Variants in MTMR12 observed in about 807,000 individuals in gnomAD.
MTMR12 encodes myotubularin-related protein 12.
A neutral mutation model predicts 96.7 loss-of-function variants in MTMR12; 33 were observed. The observed-to-expected ratio is 0.34, with a 90% confidence interval of 0.26 to 0.46. MTMR12 has a LOEUF of 0.46. Among genes scored for constraint, MTMR12 ranks in the 20% least tolerant of loss-of-function variants. MTMR12 has a pLI of 1.00. For missense variants in MTMR12, 721 were observed against 896.1 expected (o/e 0.80, Z 2.49); for synonymous variants, 298 against 327.2 (o/e 0.91, Z 0.96).
chr5:32,235,193 G>A (rs1485030459), intron 13 of MTMR12, 64 bp from the exon 14 acceptor site: 4 of 1,494,844 alleles, frequency 2.7e-6, no homozygotes, highest in Admixed American at 2.1e-5. Flanking sequence ...CTGAGTTCAG[G>A]GGGCAGCCAC....
intron 7 of MTMR12, among the ~76,000 whole-genome samples, chr5:32,258,126 C>CA (rs36090657): frequency 0.061 from 8,339 of 137,452 alleles, 470 homozygotes; most frequent in African/African-American, 0.15. Context: ...GACCCTGTCT[C>CA]AAAAAAAAAA....
At chr5:32,253,593 C>G (rs1250840801) in intron 8 of MTMR12, among the ~76,000 whole-genome samples, 1 of 152,156 alleles carries the variant, frequency 6.6e-6, no homozygotes, top group African/African-American at 2.4e-5. Context: ...ATGGGAAGAA[C>G]TAATGAAGTG....
At chr5:32,267,922 C>G (rs944589320) in intron 6 of MTMR12, among the ~76,000 whole-genome samples, 14 of 152,248 alleles carry the variant, frequency 9.2e-5, no homozygotes, top group Admixed American at 9.2e-4. Flanking sequence ...CAACCTCCAT[C>G]TCCCAGGTTC....
chr5:32,302,893 GGAAAA>G (rs1751205460), intron 1 of MTMR12, among the ~76,000 whole-genome samples: 1 of 152,126 alleles, frequency 6.6e-6, no homozygotes, highest in Non-Finnish European at 1.5e-5. Flanking sequence ...AAAGGAACAA[GGAAAA>G]GAAACTTTTA....
At chr5:32,262,069 C>G (rs1749381886) in intron 7 of MTMR12, among the ~76,000 whole-genome samples, 3 of 152,014 alleles carry the variant, frequency 2.0e-5, no homozygotes, top group Admixed American at 6.5e-5. Context: ...GAGACCCCAT[C>G]TTAAAATGAA....
At chr5:32,282,468 A>T (rs1359181367) in intron 1 of MTMR12, among the ~76,000 whole-genome samples, 2 of 148,002 alleles carry the variant, frequency 1.4e-5, no homozygotes, top group South Asian at 2.1e-4. Context: ...AATAAATAAA[A>T]TAAAAAATAA....
chr5:32,239,989 A>T (rs1188811506), intron 12 of MTMR12, among the ~76,000 whole-genome samples: 3 of 152,246 alleles, frequency 2.0e-5, no homozygotes, highest in Non-Finnish European at 4.4e-5. Flanking sequence ...AGATCCTAAA[A>T]GTCAGGGTCT....
chr5:32,251,570 A>C (rs1748926707), intron 8 of MTMR12, among the ~76,000 whole-genome samples: 1 of 152,218 alleles, frequency 6.6e-6, no homozygotes, highest in Non-Finnish European at 1.5e-5. Flanking sequence ...GTCATGTTAC[A>C]AGAAGAAATG....
chr5:32,268,827 G>A (rs763468931), intron 5 of MTMR12, 33 bp from the exon 6 acceptor site: 3 of 1,541,126 alleles, frequency 1.9e-6, no homozygotes, highest in Admixed American at 3.3e-5. Flanking sequence ...ATATAGTTAT[G>A]GTTTTGACAG....
At chr5:32,301,009 A>G (rs1751120338) in intron 1 of MTMR12, among the ~76,000 whole-genome samples, 1 of 152,176 alleles carries the variant, frequency 6.6e-6, no homozygotes, top group African/African-American at 2.4e-5. Context: ...TGGGAGGTGG[A>G]GGATGCAGTG....
At chr5:32,310,874 TTTC>T (rs938065255) in intron 1 of MTMR12, among the ~76,000 whole-genome samples, 3 of 137,930 alleles carry the variant, frequency 2.2e-5, no homozygotes, top group Non-Finnish European at 4.9e-5. Context: ...CAAAGATTTC[TTTC>T]TTTTTTTTTT....
chr5:32,255,250 A>G (rs1384958366), intron 8 of MTMR12, among the ~76,000 whole-genome samples: 2 of 152,188 alleles, frequency 1.3e-5, no homozygotes, highest in Admixed American at 6.5e-5. Context: ...GACACATTAA[A>G]TATGGCTCCA....
intron 1 of MTMR12, among the ~76,000 whole-genome samples, chr5:32,301,163 C>CAGGT (rs1278131443): frequency 3.3e-5 from 5 of 152,074 alleles, no homozygotes; most frequent in Middle Eastern, 3.4e-3. Context: ...AGACAGATGA[C>CAGGT]AGGTAGGTAG....
chr5:32,312,310 C>T lies in MTMR12; in HGVS notation c.81+448G>A, dbSNP rs998305620. 2.0e-5 allele frequency among the ~76,000 whole-genome samples: 3 copies of T among 152,224 alleles called. No individual in the cohort carries two copies. Among genetic ancestry groups the T allele is most frequent in the African/African-American group, 7.2e-5 (3 of 41,466 alleles). ...CATCCCGCCAGCCGCACCCGAGGCA[C>T]TCAGACGCAGGCAGCGGAGGCCGGC... On this transcript the variant is annotated intron_variant, in intron 1 of 15. Coordinates refer to ENST00000382142, the MANE Select transcript of MTMR12 (RefSeq NM_001040446.3). The surrounding 1 kb of genome is among the most constrained non-coding windows in gnomAD (Gnocchi z 5.0).
At chr5:32,289,378 C>T (rs188515415) in intron 1 of MTMR12, among the ~76,000 whole-genome samples, 1 of 152,282 alleles carries the variant, frequency 6.6e-6, no homozygotes, top group Admixed American at 6.5e-5. Flanking sequence ...AGACCCAGAA[C>T]CCCTTGAAGG....
At position 32,276,850 on chromosome 5, in the gene MTMR12, CTT is replaced by C. The variant is rs1478094667; in HGVS notation, c.82-110_82-109del. On this transcript the variant is annotated intron_variant, in intron 1 of 15. Transcript: ENST00000382142. ...CTAAAATATCACATACCCTCAGGAG[CTT>C]TTCGTTTATGTTACAAGCTACTTTT... 4 of 468,916 alleles carry C rather than the reference CTT, an allele frequency of 8.5e-6. No individual in the cohort carries two copies. The Admixed American group carries it at 1.3e-4, about 15-fold the overall frequency. The allele number at this position is 468,916 out of a possible 1,614,324, so 29.0% of individuals were successfully genotyped here.
chr5:32,261,710 G>C (rs1166104821), intron 7 of MTMR12, among the ~76,000 whole-genome samples: 1 of 152,194 alleles, frequency 6.6e-6, no homozygotes, highest in Non-Finnish European at 1.5e-5. Flanking sequence ...CTAATAGCTA[G>C]GACACTGCCA....
intron 15 of MTMR12, among the ~76,000 whole-genome samples, chr5:32,232,181 T>C (rs1166480509): frequency 6.6e-6 from 1 of 152,178 alleles, no homozygotes; most frequent in Non-Finnish European, 1.5e-5. Flanking sequence ...CCCCACCGTG[T>C]GGCATTTGCA....
intron 15 of MTMR12, among the ~76,000 whole-genome samples, chr5:32,231,142 C>G (rs1346091571): frequency 6.6e-6 from 1 of 152,096 alleles, no homozygotes; most frequent in African/African-American, 2.4e-5. Flanking sequence ...GTAATCCTAG[C>G]ACTTTGGGAG....
Sources: gnomAD v4.1 joint callset for allele counts (sites outside exome capture counted in the v4.1 genomes callset) on GRCh38, gnomAD v4.1.1 for gene constraint, Gnocchi (gnomAD v3.1) non-coding constraint, MANE v1.5 for transcripts, NCBI Gene and HGNC (gene_info 2026-07-23, HGNC 2026-07-21) for gene names.